The following OLFM3 variants were observed in gnomAD, a reference collection of about 807,000 sequenced individuals.
OLFM3 encodes olfactomedin 3.
Under a neutral mutation model 48.6 loss-of-function variants are expected in OLFM3, and 20 were observed. That is an observed-to-expected ratio of 0.41 (90% CI 0.29 to 0.60). The LOEUF is 0.60. OLFM3 is among the 20% of genes least tolerant of loss of function. OLFM3 has a pLI of 0.28. For synonymous variants in OLFM3, 222 were observed against 198.1 expected (o/e 1.12, Z -1.01); for missense variants, 437 against 544.3 (o/e 0.80, Z 1.96).
At chr1:101,842,195 A>T (rs1040969158) in intron 1 of OLFM3, among the ~76,000 whole-genome samples, 12 of 152,186 alleles carry the variant, frequency 7.9e-5, no homozygotes, top group Non-Finnish European at 1.5e-4. Flanking sequence ...AACAACTATA[A>T]AAGCAAAAAT....
At chr1:101,809,421 G>A (rs1653939090) in intron 4 of OLFM3, among the ~76,000 whole-genome samples, 1 of 151,852 alleles carries the variant, frequency 6.6e-6, no homozygotes, top group Admixed American at 6.6e-5. Flanking sequence ...ACAATGATGA[G>A]GGCCTTTATA....
chr1:101,991,215 G>T (rs1188107237), intron 1 of OLFM3, among the ~76,000 whole-genome samples: 2 of 151,410 alleles, frequency 1.3e-5, no homozygotes, highest in Admixed American at 6.6e-5. Flanking sequence ...CTATCAGGAA[G>T]TAATATCACT....
chr1:101,819,877 C>T lies in OLFM3; in HGVS notation c.592+5149G>A, dbSNP rs146407144. 5.9e-3 allele frequency among the ~76,000 whole-genome samples: 902 copies of T among 152,146 alleles called. 6 individuals carry two copies. Among genetic ancestry groups the T allele is most frequent in the South Asian group, 0.011 (54 of 4,820 alleles). ...GTTTTAGTGAAGTTGATACTAATGCCTAACCCAGAGTTCTTGCATAGATTT... is the reference window on the plus strand; with the variant it reads ...GTTTTAGTGAAGTTGATACTAATGCTTAACCCAGAGTTCTTGCATAGATTT... On this transcript the variant is annotated intron_variant, in intron 4 of 5. Transcript: ENST00000370103.
chr1:101,821,494 G>C (rs192915189), intron 4 of OLFM3, among the ~76,000 whole-genome samples: 4 of 151,868 alleles, frequency 2.6e-5, no homozygotes, highest in African/African-American at 9.7e-5. Flanking sequence ...TGACTGTATG[G>C]CTCTGCCTGG....
At position 101,823,156 on chromosome 1, in the gene OLFM3, T is replaced by C. The variant is rs191346615; in HGVS notation, c.592+1870A>G. ...TTTCTAGGCATTGGAAGATACAACATGTAGAGTGAACATGATAGACATTGT... is the reference window on the plus strand; with the variant it reads ...TTTCTAGGCATTGGAAGATACAACACGTAGAGTGAACATGATAGACATTGT... On this transcript the variant is annotated intron_variant, in intron 4 of 5. Coordinates refer to ENST00000370103, the MANE Select transcript of OLFM3 (RefSeq NM_058170.4). Among the ~76,000 whole-genome samples, 81 of 152,110 alleles carry C rather than the reference T, an allele frequency of 5.3e-4. 1 individual carries two copies. Among genetic ancestry groups the C allele is most frequent in the Non-Finnish European group, 1.1e-3 (73 of 67,932 alleles).
chr1:101,961,586 A>T (rs1660468915), intron 1 of OLFM3, among the ~76,000 whole-genome samples: 1 of 152,180 alleles, frequency 6.6e-6, no homozygotes, highest in Admixed American at 6.6e-5. Flanking sequence ...TAAAGGACTT[A>T]TATAATAAAA....
intron 1 of OLFM3, among the ~76,000 whole-genome samples, chr1:101,959,399 T>C (rs1660400867): frequency 1.3e-5 from 2 of 151,720 alleles, no homozygotes; most frequent in Admixed American, 6.6e-5. Flanking sequence ...TTTGGAGGCA[T>C]AAGGATGAGA....
At chr1:101,814,276 T>G (rs1269730474) in intron 4 of OLFM3, among the ~76,000 whole-genome samples, 1 of 152,062 alleles carries the variant, frequency 6.6e-6, no homozygotes, top group Non-Finnish European at 1.5e-5. Flanking sequence ...GTTTTTTTTT[T>G]TTTTTAGCAG....
intron 1 of OLFM3, among the ~76,000 whole-genome samples, chr1:101,845,057 G>T (rs1324958453): frequency 6.6e-6 from 1 of 151,970 alleles, no homozygotes; most frequent in African/African-American, 2.4e-5. Context: ...TCCAAAAAAG[G>T]TTTTCTCCAT....
chr1:101,870,465 T>C (rs1469558296), intron 1 of OLFM3, among the ~76,000 whole-genome samples: 3 of 152,192 alleles, frequency 2.0e-5, no homozygotes, highest in Non-Finnish European at 2.9e-5. Flanking sequence ...ACAGTTGCCT[T>C]GCAGTACCAG....
At chr1:101,866,825 T>C (rs1309514552) in intron 1 of OLFM3, among the ~76,000 whole-genome samples, 1 of 152,176 alleles carries the variant, frequency 6.6e-6, no homozygotes, top group Middle Eastern at 3.2e-3. Context: ...GAATGTAACA[T>C]CTCTAATTTC....
At chr1:101,976,941 T>C (rs1660971944) in intron 1 of OLFM3, among the ~76,000 whole-genome samples, 1 of 152,160 alleles carries the variant, frequency 6.6e-6, no homozygotes, top group Non-Finnish European at 1.5e-5. Flanking sequence ...AGTGGGAAGG[T>C]GAGTTATGGG....
intron 1 of OLFM3, among the ~76,000 whole-genome samples, chr1:101,878,839 T>C (rs1399536707): frequency 6.6e-6 from 1 of 151,970 alleles, no homozygotes; most frequent in Non-Finnish European, 1.5e-5. Context: ...AGATCAGCTA[T>C]AGTTCAGTTG....
intron 4 of OLFM3, among the ~76,000 whole-genome samples, chr1:101,814,353 C>A (rs1430001302): frequency 6.6e-6 from 1 of 151,082 alleles, no homozygotes; most frequent in African/African-American, 2.4e-5. Flanking sequence ...TCTGGTGAAG[C>A]TTACATTTTG....
chr1:101,958,455 T>C (rs1660365389), intron 1 of OLFM3, among the ~76,000 whole-genome samples: 2 of 152,070 alleles, frequency 1.3e-5, no homozygotes, highest in Admixed American at 1.3e-4. Flanking sequence ...TATAATTTAT[T>C]AGTGTTGAAG....
Position 101,996,696 on chromosome 1 carries a change from T to G in OLFM3, c.69+52A>C, listed in dbSNP as rs553051907. 5.4e-5 allele frequency: 85 copies of G among 1,568,986 alleles called. No individual in the cohort carries two copies. In the Admixed American group the frequency reaches 1.4e-3, roughly 26 times the overall value. On this transcript the variant is annotated intron_variant, in intron 1 of 5. Coordinates refer to ENST00000370103, the MANE Select transcript of OLFM3 (RefSeq NM_058170.4). ...ATATTTATTTGCATTTCTGTTAGGT[T>G]TGTTACATATTGCACATTTATTTCA...
intron 4 of OLFM3, among the ~76,000 whole-genome samples, chr1:101,815,573 G>C (rs558697246): frequency 6.6e-6 from 1 of 151,780 alleles, no homozygotes; most frequent in East Asian, 1.9e-4. Context: ...GATAGGACTA[G>C]GCTTTGGATT....
chr1:101,866,076 G>A (rs377616349), intron 1 of OLFM3, among the ~76,000 whole-genome samples: 12 of 152,080 alleles, frequency 7.9e-5, no homozygotes, highest in Non-Finnish European at 1.6e-4. Flanking sequence ...GAGCACTAAT[G>A]ACCATTCATT....
intron 1 of OLFM3, among the ~76,000 whole-genome samples, chr1:101,901,283 G>A (rs1293839587): frequency 1.3e-5 from 2 of 152,046 alleles, no homozygotes; most frequent in Admixed American, 6.6e-5. Flanking sequence ...AGTGGGTCTT[G>A]AAGAATACAT....
Sources: gnomAD v4.1 joint callset for allele counts (sites outside exome capture counted in the v4.1 genomes callset) on GRCh38, gnomAD v4.1.1 for gene constraint, MANE v1.5 for transcripts, NCBI Gene and HGNC (gene_info 2026-07-23, HGNC 2026-07-21) for gene names.